Variants in EXOC6 observed in about 807,000 individuals in gnomAD.
EXOC6 encodes SEC15-like 1.
A neutral mutation model predicts 112.5 loss-of-function variants in EXOC6; 60 were observed. The ratio of observed to expected loss-of-function variants is 0.53; its 90% confidence interval spans 0.43 to 0.66. The LOEUF is 0.66. Ranked by LOEUF, EXOC6 falls within the 30% of genes least tolerant of loss-of-function variation. The pLI, the probability that EXOC6 is intolerant of heterozygous loss-of-function variation, is 0.00. For synonymous variants in EXOC6, 295 were observed against 308.0 expected (o/e 0.96, Z 0.44); for missense variants, 855 against 957.1 (o/e 0.89, Z 1.41).
At chr10:92,995,028 T>A (rs1473599945) in intron 18 of EXOC6, among the ~76,000 whole-genome samples, 1 of 152,016 alleles carries the variant, frequency 6.6e-6, no homozygotes, top group Non-Finnish European at 1.5e-5. Context: ...CTTTTGATAT[T>A]GTGAACTTAA....
At chr10:92,960,473 G>A (rs1853924033) in intron 17 of EXOC6, among the ~76,000 whole-genome samples, 1 of 151,880 alleles carries the variant, frequency 6.6e-6, no homozygotes, top group African/African-American at 2.4e-5. Context: ...AACACTGTGA[G>A]TGAATCTGGT....
At chr10:92,904,694 A>G (rs1054288049) in intron 5 of EXOC6, among the ~76,000 whole-genome samples, 14 of 152,042 alleles carry the variant, frequency 9.2e-5, no homozygotes, top group Admixed American at 2.6e-4. Flanking sequence ...CCTTGATTCA[A>G]TTTGTGTTTC....
rs9420609 is a variant in EXOC6 at position 93,043,011 on chromosome 10, A to C, written c.2170-13913A>C. On this transcript the variant is annotated intron_variant, in intron 20 of 21. Transcript: ENST00000260762. Reference sequence around the variant, plus strand: ...GAGTGCAGTGGCGCAATCTTGGCCCACTGCAACCTCTGCCTCCTGGGTTCA... The same window carrying C: ...GAGTGCAGTGGCGCAATCTTGGCCCCCTGCAACCTCTGCCTCCTGGGTTCA... 1.0e-2 allele frequency among the ~76,000 whole-genome samples: 1,517 copies of C among 151,966 alleles called. 26 individuals are homozygous for C. Among genetic ancestry groups the C allele is most frequent in the African/African-American group, 0.035 (1,433 of 41,444 alleles).
chr10:92,985,425 C>T (rs761694076), intron 18 of EXOC6, among the ~76,000 whole-genome samples: 42 of 152,134 alleles, frequency 2.8e-4, no homozygotes, highest in Non-Finnish European at 5.6e-4. Context: ...AGAAAGCACC[C>T]GTTCATGAAT....
chr10:92,934,268 G>C (rs377685292), intron 10 of EXOC6, 42 bp from the exon 11 acceptor site: 1 of 1,175,584 alleles, frequency 8.5e-7, no homozygotes, highest in Non-Finnish European at 1.2e-6. Context: ...TTCTATTAGG[G>C]TTTTTTTTTT....
At chr10:92,959,471 C>T (rs1853868641) in intron 17 of EXOC6, among the ~76,000 whole-genome samples, 1 of 152,000 alleles carries the variant, frequency 6.6e-6, no homozygotes, top group Admixed American at 6.6e-5. Flanking sequence ...CTTGATTGTT[C>T]CCCAAAGGAA....
intron 18 of EXOC6, among the ~76,000 whole-genome samples, chr10:92,975,291 G>A (rs1340482407): frequency 1.3e-5 from 2 of 150,500 alleles, no homozygotes; most frequent in South Asian, 2.1e-4. Flanking sequence ...GTCTCTGCTC[G>A]GCCGCCCCGT....
chr10:92,850,404 A>T (rs1053540115), intron 1 of EXOC6, among the ~76,000 whole-genome samples: 3 of 152,174 alleles, frequency 2.0e-5, no homozygotes, highest in East Asian at 1.9e-4. Context: ...TATCCCATAT[A>T]TATGTATATT....
At chr10:92,835,114 T>A (rs1289066186) in intron 1 of EXOC6, among the ~76,000 whole-genome samples, 1 of 152,184 alleles carries the variant, frequency 6.6e-6, no homozygotes, top group African/African-American at 2.4e-5. Context: ...AGGTTTCAAT[T>A]GTTTTCTTTA....
chr10:92,952,378 C>T lies in EXOC6; in HGVS notation c.1522C>T (p.Arg508Trp), dbSNP rs201928767. 1.9e-4 allele frequency: 304 copies of T among 1,569,118 alleles called. No individual in the cohort carries two copies. The East Asian group carries it at 6.3e-3, about 33-fold the overall frequency. Residue 508 changes from arginine to tryptophan, a missense_variant, in exon 15 of 22, where the codon CGG becomes TGG. This residue lies in a region of EXOC6 where 450 missense variants were observed against 563.5 expected (regional missense o/e 0.80). Transcript: ENST00000260762. The part of the protein sequence containing the change: ...ASLKFSESLH[R>W]SSTEIDDMLR... Reference sequence around the variant, plus strand: ...CCTTAAATTTTCAGAGTCACTACACCGGAGGTGAGTTTACTAATCACAAAT... The same window carrying T: ...CCTTAAATTTTCAGAGTCACTACACTGGAGGTGAGTTTACTAATCACAAAT...
At chr10:93,036,468 T>C (rs1330168343) in intron 20 of EXOC6, among the ~76,000 whole-genome samples, 1 of 152,170 alleles carries the variant, frequency 6.6e-6, no homozygotes, top group Non-Finnish European at 1.5e-5. Context: ...GTACTGTCTA[T>C]AGTGTACATA....
chr10:92,984,285 A>G (rs1449837637), intron 18 of EXOC6, among the ~76,000 whole-genome samples: 2 of 152,126 alleles, frequency 1.3e-5, no homozygotes, highest in East Asian at 1.9e-4. Flanking sequence ...TATTTAAAAC[A>G]TATTTTTTTC....
chr10:92,939,609 T>C (rs1852545193), intron 12 of EXOC6, among the ~76,000 whole-genome samples: 1 of 152,026 alleles, frequency 6.6e-6, no homozygotes, highest in African/African-American at 2.4e-5. Context: ...GAATTAAATA[T>C]TTGGAATTTA....
intron 1 of EXOC6, among the ~76,000 whole-genome samples, chr10:92,829,448 A>G (rs1022521541): frequency 4.6e-5 from 7 of 152,140 alleles, no homozygotes; most frequent in Admixed American, 4.6e-4. Context: ...ATACGTGTCC[A>G]TGTCCTTGAT....
chr10:93,030,198 G>A (rs1222256669), intron 20 of EXOC6, among the ~76,000 whole-genome samples: 1 of 152,040 alleles, frequency 6.6e-6, no homozygotes, highest in East Asian at 1.9e-4. Flanking sequence ...CTGAGCCACC[G>A]CGACTAGCCT....
chr10:92,914,932 G>A (rs1468445072), intron 6 of EXOC6, among the ~76,000 whole-genome samples: 1 of 152,234 alleles, frequency 6.6e-6, no homozygotes, highest in African/African-American at 2.4e-5. Context: ...TGGTAATGAA[G>A]TTCTGATAGG....
At chr10:93,021,823 T>G (rs574713095) in intron 20 of EXOC6, among the ~76,000 whole-genome samples, 187 of 152,354 alleles carry the variant, frequency 1.2e-3, no homozygotes, top group African/African-American at 4.3e-3. Flanking sequence ...ATAATCTGTT[T>G]ATAGAAAGTT....
intron 18 of EXOC6, among the ~76,000 whole-genome samples, chr10:92,992,236 C>G (rs1043326261): frequency 7.5e-6 from 1 of 132,760 alleles, no homozygotes; most frequent in Non-Finnish European, 1.5e-5. Flanking sequence ...TTGCGTGAGC[C>G]GAGATCCTTC....
At chr10:92,968,126 T>A (rs1842140625) in intron 17 of EXOC6, among the ~76,000 whole-genome samples, 1 of 151,966 alleles carries the variant, frequency 6.6e-6, no homozygotes, top group African/African-American at 2.4e-5. Context: ...TAGGTGTTAC[T>A]GCCATGAATT....
Sources: allele counts gnomAD v4.1 joint callset (sites outside exome capture counted in the v4.1 genomes callset), GRCh38; gene constraint gnomAD v4.1.1; regional missense constraint gnomAD v4.1.1; transcripts MANE v1.5; gene names NCBI Gene and HGNC (gene_info 2026-07-23, HGNC 2026-07-21).